CDH23: variants seen among roughly 807,000 people sequenced by gnomAD.
The protein encoded by CDH23 is cadherin related 23, also known as cadherin-23.
Under a neutral mutation model 317.1 loss-of-function variants are expected in CDH23, and 189 were observed. That is an observed-to-expected ratio of 0.60 (90% CI 0.53 to 0.67). CDH23 has a LOEUF of 0.67. Ranked by LOEUF, CDH23 falls within the 30% of genes least tolerant of loss-of-function variation. The pLI is 0.00. For synonymous variants in CDH23, 1,839 were observed against 1,876.8 expected (o/e 0.98, Z 0.52); for missense variants, 4,401 against 4,592.4 (o/e 0.96, Z 1.20).
chr10:71,686,869 G>A (rs1245919589), intron 18 of CDH23, among the ~76,000 whole-genome samples: 1 of 152,094 alleles, frequency 6.6e-6, no homozygotes, highest in Non-Finnish European at 1.5e-5. Context: ...GTATTAAAGG[G>A]CAGGAAAGTC....
intron 1 of CDH23, among the ~76,000 whole-genome samples, chr10:71,416,228 T>C (rs1329424893): frequency 6.6e-6 from 1 of 152,176 alleles, no homozygotes; most frequent in East Asian, 1.9e-4. Context: ...TTTTACCATG[T>C]TGGCCAGGTT....
intron 45 of CDH23, 48 bp downstream of exon 45, chr10:71,789,090 T>TGGGGCCTGGGATGCCTG: frequency 1.1e-6 from 1 of 923,520 alleles, no homozygotes; most frequent in African/African-American, 1.6e-5. Context: ...CAGGCACCAC[T>TGGGGCCTGGGATGCCTG]GGGGCCTGGG....
At position 71,532,723 on chromosome 10, in the gene CDH23, T is replaced by G. The variant is rs201969060; in HGVS notation, c.429+21511T>G. Among the ~76,000 whole-genome samples, 619 of 64,464 alleles carry G rather than the reference T, an allele frequency of 9.6e-3. 8 individuals carry two copies. Among genetic ancestry groups the G allele is most frequent in the African/African-American group, 0.027 (397 of 14,670 alleles). 42.3% of individuals were successfully genotyped at this position (64,464 alleles called of 152,430 possible). A position where few individuals can be genotyped will look rare whatever the true frequency, so the allele number is the denominator to read the frequency against. Reference sequence around the variant, plus strand: ...TTCTTTTGTTTTTGTTTTTTTTTTTTTTTGTTTTTTTTTTTTTTTTTTTTG... The same window carrying G: ...TTCTTTTGTTTTTGTTTTTTTTTTTGTTTGTTTTTTTTTTTTTTTTTTTTG... On this transcript the variant is annotated intron_variant, in intron 6 of 69. Transcript: ENST00000224721.
intron 60 of CDH23, 123 bp from the exon 61 acceptor site, chr10:71,809,697 T>A: frequency 7.2e-7 from 1 of 1,383,218 alleles, no homozygotes; most frequent in Non-Finnish European, 9.8e-7. Context: ...CTCCCTGCTG[T>A]GCCCTGTGGG....
chr10:71,635,696 G>A (rs1205390322), intron 11 of CDH23, among the ~76,000 whole-genome samples: 2 of 151,988 alleles, frequency 1.3e-5, no homozygotes, highest in African/African-American at 4.8e-5. Flanking sequence ...AGGGCAAGAA[G>A]GGGGGAGGAA....
In CDH23 at chr10:71,777,811, A is replaced by C; in HGVS notation, c.4977A>C (p.Ala1659=). ...ACACCAGCCTCATCACCATCCAGGCACTGGACCTGGATGAGGGTCCCAACG... is the reference window on the plus strand; with the variant it reads ...ACACCAGCCTCATCACCATCCAGGCCCTGGACCTGGATGAGGGTCCCAACG... ...TLNTSLITIQ[A]LDLDEGPNGT... Residue 1659 remains alanine (A), a synonymous_variant, in exon 39 of 70, where the codon GCA becomes GCC. Transcript: ENST00000224721. 6.2e-7 allele frequency: 1 copy of C among 1,613,882 alleles called. No homozygotes were observed. Among genetic ancestry groups the C allele is most frequent in the Middle Eastern group, 1.6e-4 (1 of 6,062 alleles).
chr10:71,806,203 G>T lies in CDH23; in HGVS notation c.8100G>T (p.Val2700=). The T allele has an allele frequency of 6.3e-7, 1 of 1,577,450 alleles. No homozygotes were observed. The change falls in exon 57 of 70, where the codon GTG becomes GTT. Residue 2700 remains valine, a synonymous_variant. Coordinates refer to ENST00000224721, the MANE Select transcript of CDH23 (RefSeq NM_022124.6). ...TGGCCAGCGACCTGGGCCAGCCAGT[G>T]CCATACGAGACTATGCAGCCGCTGC... The part of the protein sequence containing the change: ...ILVASDLGQP[V]PYETMQPLQV...
chr10:71,574,939 C>T (rs573113000), intron 8 of CDH23, among the ~76,000 whole-genome samples: 8 of 152,220 alleles, frequency 5.3e-5, no homozygotes, highest in South Asian at 2.1e-4. Flanking sequence ...CAGTCACCTC[C>T]GCCTCCCTCC....
chr10:71,737,955 C>T (rs1333729003), intron 34 of CDH23: 2 of 389,734 alleles, frequency 5.1e-6, no homozygotes, highest in Non-Finnish European at 1.1e-5. Flanking sequence ...TTGCAGCCCC[C>T]TCCTGCTCCT....
chr10:71,705,136 G>A lies in CDH23; in HGVS notation c.2953+6G>A. ...CAGCACGCTCACCATCCATGGTGAG[G>A]GGGCGCAGGGGCTTCTGCTGTGTGC... On this transcript the variant is annotated splice_donor_region_variant and intron_variant, in intron 25 of 69. Coordinates refer to ENST00000224721, the MANE Select transcript of CDH23 (RefSeq NM_022124.6). 1 of 1,605,038 alleles carries A rather than the reference G, an allele frequency of 6.2e-7. No individual in the cohort carries two copies. The highest frequency in any genetic ancestry group is 2.2e-5 in the East Asian group (1 of 44,672).
chr10:71,640,064 T>C (rs1862463889), intron 11 of CDH23, among the ~76,000 whole-genome samples: 1 of 152,082 alleles, frequency 6.6e-6, no homozygotes, highest in African/African-American at 2.4e-5. Context: ...AGGGAGCAAG[T>C]CTCATTCATT....
At chr10:71,486,034 GGT>G (rs1852329446) in intron 3 of CDH23, among the ~76,000 whole-genome samples, 1 of 152,148 alleles carries the variant, frequency 6.6e-6, no homozygotes, top group Non-Finnish European at 1.5e-5. Context: ...TAGATTTTCA[GGT>G]CAGACCCACT....
chr10:71,442,730 C>A (rs1375453476), intron 2 of CDH23, among the ~76,000 whole-genome samples: 1 of 152,190 alleles, frequency 6.6e-6, no homozygotes, highest in East Asian at 1.9e-4. Flanking sequence ...TCTGCTGGGT[C>A]ACTCCTTCTG....
At chr10:71,694,634 AG>A (rs1422858651) in intron 21 of CDH23, among the ~76,000 whole-genome samples, 1 of 152,154 alleles carries the variant, frequency 6.6e-6, no homozygotes, top group Non-Finnish European at 1.5e-5. Flanking sequence ...AGCAGGAAGC[AG>A]GGCCCTGGAG....
chr10:71,702,085 A>G lies in CDH23; in HGVS notation c.2461A>G (p.Asn821Asp). ...GTLVYSIQPP[N>D]KFYSLNSTTG... is the part of the protein sequence containing the mutation. ...CCTGGTGTACAGCATCCAGCCACCCAACAAGTTCTACAGCCTCAACAGCAC... is the reference window on the plus strand; with the variant it reads ...CCTGGTGTACAGCATCCAGCCACCCGACAAGTTCTACAGCCTCAACAGCAC... Residue 821 changes from asparagine to aspartate, a missense_variant, in exon 23 of 70, where the codon AAC (asparagine) becomes GAC (aspartate). By Grantham distance (23) the Asn-to-Asp change is conservative. Around this residue, in one of 3 missense-constraint regions of CDH23, gnomAD observed 3,068 missense variants for 3,203.3 expected, o/e 0.96. Transcript: ENST00000224721. 1 of 1,613,942 alleles carries G rather than the reference A, an allele frequency of 6.2e-7. No homozygotes were observed. Among genetic ancestry groups the G allele is most frequent in the South Asian group, 1.1e-5 (1 of 91,088 alleles).
intron 25 of CDH23, among the ~76,000 whole-genome samples, chr10:71,706,262 T>C (rs1436909072): frequency 6.6e-6 from 1 of 152,174 alleles, no homozygotes; most frequent in East Asian, 1.9e-4. Flanking sequence ...TAAACACATC[T>C]GTAAGGGAAA....
chr10:71,472,535 G>T (rs992807349), intron 3 of CDH23, among the ~76,000 whole-genome samples: 1 of 152,238 alleles, frequency 6.6e-6, no homozygotes, highest in Non-Finnish European at 1.5e-5. Flanking sequence ...CCCTCTGCTT[G>T]TACAGTGCTG....
chr10:71,477,496 G>A (rs1851855633), intron 3 of CDH23, among the ~76,000 whole-genome samples: 5 of 152,070 alleles, frequency 3.3e-5, no homozygotes, highest in Admixed American at 3.3e-4. Context: ...TCTTCCTCAG[G>A]CCTCTGTCTT....
At chr10:71,765,250 T>C (rs993887323) in intron 38 of CDH23, among the ~76,000 whole-genome samples, 53 of 152,256 alleles carry the variant, frequency 3.5e-4, no homozygotes, top group African/African-American at 4.8e-5. Flanking sequence ...ACCCCAGGGC[T>C]GGGAGCTGAA....
Sources: allele counts gnomAD v4.1 joint callset (sites outside exome capture counted in the v4.1 genomes callset), GRCh38; gene constraint gnomAD v4.1.1; regional missense constraint gnomAD v4.1.1; transcripts MANE v1.5; gene names NCBI Gene and HGNC (gene_info 2026-07-23, HGNC 2026-07-21).